Variants in FOXN2 observed in about 807,000 individuals in gnomAD.
FOXN2 encodes forkhead box protein N2.
Under a neutral mutation model 41.2 loss-of-function variants are expected in FOXN2, and 19 were observed. The ratio of observed to expected loss-of-function variants is 0.46; its 90% confidence interval spans 0.32 to 0.68. The LOEUF (loss-of-function observed/expected upper bound fraction) is 0.68, where lower values mean the gene tolerates loss of function less well. Ranked by LOEUF, FOXN2 falls within the 30% of genes least tolerant of loss-of-function variation. The pLI is 0.03. For missense variants in FOXN2, 587 were observed against 509.4 expected (o/e 1.15, Z -1.47); for synonymous variants, 195 against 176.8 (o/e 1.10, Z -0.82).
chr2:48,329,045 G>A (rs541838529), intron 2 of FOXN2, among the ~76,000 whole-genome samples: 6 of 151,884 alleles, frequency 4.0e-5, no homozygotes, highest in East Asian at 3.9e-4. Context: ...TTTGAAATCC[G>A]TGTTTCTGTG....
At chr2:48,318,271 T>A (rs1432394915) in intron 1 of FOXN2, among the ~76,000 whole-genome samples, 1 of 152,228 alleles carries the variant, frequency 6.6e-6, no homozygotes, top group Non-Finnish European at 1.5e-5. Flanking sequence ...TGTCTTTTTT[T>A]TGTTCCAGAA....
At chr2:48,320,719 A>G (rs540401711) in intron 1 of FOXN2, among the ~76,000 whole-genome samples, 3 of 152,336 alleles carry the variant, frequency 2.0e-5, no homozygotes, top group Non-Finnish European at 2.9e-5. Flanking sequence ...TAATCTTTGT[A>G]CTACAATCTG....
intron 1 of FOXN2, among the ~76,000 whole-genome samples, chr2:48,315,334 C>G (rs1056714448): frequency 6.6e-6 from 1 of 152,162 alleles, no homozygotes; most frequent in Admixed American, 6.5e-5. Flanking sequence ...GGCTGGGCCC[C>G]GCCAAGTAGT....
chr2:48,343,946 T>C (rs1378505580), intron 2 of FOXN2, among the ~76,000 whole-genome samples: 1 of 152,144 alleles, frequency 6.6e-6, no homozygotes, highest in Non-Finnish European at 1.5e-5. Context: ...TTCTAATTTC[T>C]AGATGTAATG....
Position 48,364,889 on chromosome 2 carries a change from A to T in FOXN2, c.703+2182A>T, listed in dbSNP as rs534076861. The stretch of plus-strand genomic sequence containing the variant: ...ATATTTACCTTCTGACCCTTTACTG[A>T]AGAAGTTTGTCATCCCTCAAATTAG... On this transcript the variant is annotated intron_variant, in intron 5 of 6. Coordinates refer to ENST00000340553, the MANE Select transcript of FOXN2 (RefSeq NM_002158.4). 3.3e-5 allele frequency among the ~76,000 whole-genome samples: 5 copies of T among 152,342 alleles called. No individual in the cohort carries two copies. The South Asian group carries it at 1.0e-3, about 32-fold the overall frequency.
At chr2:48,374,866 T>C in intron 6 of FOXN2, 54 bp from the exon 7 acceptor site, 1 of 1,484,198 alleles carries the variant, frequency 6.7e-7, no homozygotes, top group Non-Finnish European at 9.1e-7. Flanking sequence ...AAAATTGGTC[T>C]GTTTTTGCAA....
chr2:48,375,856 T>C lies in FOXN2; in HGVS notation c.*413T>C, dbSNP rs1673219564. ...CTGAACCAGCTAAAAATTTTGCTGA[T>C]GTATTTTTCATATACTTCTCTCCTG... On this transcript the variant is annotated 3_prime_UTR_variant, in exon 7 of 7. Transcript: ENST00000340553. 6.4e-6 allele frequency: 1 copy of C among 156,562 alleles called. No individual in the cohort carries two copies. Among genetic ancestry groups the C allele is most frequent in the African/African-American group, 2.4e-5 (1 of 41,518 alleles). 9.7% of individuals were successfully genotyped at this position (156,562 alleles called of 1,614,324 possible). A position where few individuals can be genotyped will look rare whatever the true frequency, so the allele number is the denominator to read the frequency against.
intron 2 of FOXN2, among the ~76,000 whole-genome samples, chr2:48,336,401 C>T (rs1375823458): frequency 7.5e-6 from 1 of 132,672 alleles, no homozygotes; most frequent in Non-Finnish European, 1.6e-5. Flanking sequence ...GAGCAAGCCT[C>T]AGTTTCCAAA....
chr2:48,338,164 T>C (rs1670489045), intron 2 of FOXN2, among the ~76,000 whole-genome samples: 1 of 152,188 alleles, frequency 6.6e-6, no homozygotes. Flanking sequence ...AAAAACTTCC[T>C]TTATCACATG....
rs1182338671 is a variant in FOXN2 at position 48,378,854 on chromosome 2, A to AGT, written c.*3413_*3414dup. On this transcript the variant is annotated 3_prime_UTR_variant, in exon 7 of 7. Coordinates refer to ENST00000340553, the MANE Select transcript of FOXN2 (RefSeq NM_002158.4). ...AGCATATTCTTTGCATCTAACTGCC[A>AGT]GTGCCATTGTCAAAACTTATTTTTT... The AGT allele has an allele frequency of 1.3e-5, 2 of 152,554 alleles. No homozygotes were observed. Among genetic ancestry groups the AGT allele is most frequent in the African/African-American group, 4.8e-5 (2 of 41,452 alleles). The allele number at this position is 152,554 out of a possible 1,614,324, so 9.5% of individuals were successfully genotyped here.
intron 2 of FOXN2, among the ~76,000 whole-genome samples, chr2:48,334,974 T>G (rs1670239734): frequency 6.6e-6 from 1 of 152,206 alleles, no homozygotes; most frequent in Non-Finnish European, 1.5e-5. Flanking sequence ...ACCTTAAGAA[T>G]TTAAAATGAT....
intron 5 of FOXN2, among the ~76,000 whole-genome samples, chr2:48,368,734 T>C (rs1009623107): frequency 6.6e-6 from 1 of 152,216 alleles, no homozygotes; most frequent in Non-Finnish European, 1.5e-5. Context: ...GGTACTATAA[T>C]TAAAAATTGT....
intron 1 of FOXN2, among the ~76,000 whole-genome samples, chr2:48,324,357 G>A (rs1389783198): frequency 6.6e-6 from 1 of 152,118 alleles, no homozygotes; most frequent in Non-Finnish European, 1.5e-5. Flanking sequence ...ACTTTGCCTG[G>A]CTAATTTTTG....
rs1411812909 is a variant in FOXN2, at chr2:48,375,749, C to T, written c.*306C>T. Reference sequence around the variant, plus strand: ...TAAACTTGTGGGACAAAAATCCTTTCTTCTGTTAATATGTCAGAATGTAAG... The same window carrying T: ...TAAACTTGTGGGACAAAAATCCTTTTTTCTGTTAATATGTCAGAATGTAAG... On this transcript the variant is annotated 3_prime_UTR_variant, in exon 7 of 7. Coordinates refer to ENST00000340553, the MANE Select transcript of FOXN2 (RefSeq NM_002158.4). The T allele has an allele frequency of 1.8e-5, 4 of 222,788 alleles. No homozygotes were observed. Among genetic ancestry groups the T allele is most frequent in the Non-Finnish European group, 2.7e-5 (3 of 112,786 alleles). The allele number at this position is 222,788 out of a possible 1,614,324, so 13.8% of individuals were successfully genotyped here. A position where few individuals can be genotyped will look rare whatever the true frequency, so the allele number is the denominator to read the frequency against.
chr2:48,345,905 T>G (rs1365949073), intron 2 of FOXN2, among the ~76,000 whole-genome samples: 3 of 152,172 alleles, frequency 2.0e-5, no homozygotes, highest in African/African-American at 7.2e-5. Flanking sequence ...AGGTGATTAG[T>G]GTGGGCTAGG....
intron 2 of FOXN2, among the ~76,000 whole-genome samples, chr2:48,342,155 A>T (rs886667166): frequency 1.3e-5 from 2 of 152,188 alleles, no homozygotes; most frequent in Middle Eastern, 3.2e-3. Context: ...TAGTAATATA[A>T]ATCACCGTTT....
chr2:48,323,641 T>C (rs954522568), intron 1 of FOXN2, among the ~76,000 whole-genome samples: 1 of 152,164 alleles, frequency 6.6e-6, no homozygotes, highest in Non-Finnish European at 1.5e-5. Context: ...GTTTGTCACA[T>C]GTATAGTTTG....
At chr2:48,344,601 T>C (rs1670976303) in intron 2 of FOXN2, among the ~76,000 whole-genome samples, 2 of 152,194 alleles carry the variant, frequency 1.3e-5, no homozygotes, top group South Asian at 2.1e-4. Flanking sequence ...CATATGTAAA[T>C]TGTTTAGCAC....
chr2:48,334,129 T>C (rs983418056), intron 2 of FOXN2, among the ~76,000 whole-genome samples: 2 of 152,056 alleles, frequency 1.3e-5, no homozygotes, highest in African/African-American at 4.8e-5. Flanking sequence ...TGGATCTCTT[T>C]TAAAGAAAAA....
Sources: allele counts gnomAD v4.1 joint callset (sites outside exome capture counted in the v4.1 genomes callset), GRCh38; gene constraint gnomAD v4.1.1; transcripts MANE v1.5; gene names NCBI Gene and HGNC (gene_info 2026-07-23, HGNC 2026-07-21).